Variants in TSC2 observed in about 807,000 individuals in gnomAD.
TSC2 encodes the protein tuberin.
TSC2 carries 29 observed loss-of-function variants against 202.2 expected under a neutral mutation model. The ratio of observed to expected loss-of-function variants is 0.14; its 90% confidence interval spans 0.11 to 0.20. The LOEUF (loss-of-function observed/expected upper bound fraction) is 0.20, where lower values mean the gene tolerates loss of function less well. TSC2 is among the 10% of genes least tolerant of loss of function. The probability of loss-of-function intolerance (pLI) is 1.00; values close to 1 mark genes in which losing one functional copy is unlikely to be tolerated. For missense variants in TSC2, 2,429 were observed against 2,420.0 expected, an observed-to-expected ratio of 1.00 and a Z score of -0.08; for synonymous variants, 1,349 against 1,044.0, an observed-to-expected ratio of 1.29 and a Z score of -5.63.
Position 2,079,706 on chromosome 16 carries a change from G to A in TSC2, c.3397+37G>A, listed in dbSNP as rs752242719. Reference sequence around the variant, plus strand: ...CCCCAGCCACCTCCACACAGGCACCGGGGCTCCCTCAGTTGCTGCTGGTCC... The same window carrying A: ...CCCCAGCCACCTCCACACAGGCACCAGGGCTCCCTCAGTTGCTGCTGGTCC... On this transcript the variant is annotated intron_variant, in intron 29 of 41. Transcript: ENST00000219476. This position sits in a 1 kb window ranked among gnomAD's most constrained non-coding sequence, Gnocchi z 4.6. 1.5e-5 allele frequency: 23 copies of A among 1,541,342 alleles called. No individual in the cohort carries two copies. Among genetic ancestry groups the A allele is most frequent in the South Asian group, 1.2e-4 (10 of 84,204 alleles).
intron 15 of TSC2, chr16:2,065,149 C>T (rs1233951164): frequency 1.4e-5 from 3 of 220,284 alleles, no homozygotes; most frequent in South Asian, 6.7e-5. Flanking sequence ...CACGGTGGCT[C>T]ATGCCTGTAA....
chr16:2,055,808 T>C, intron 6 of TSC2: 2 of 467,376 alleles, frequency 4.3e-6, no homozygotes, highest in South Asian at 4.2e-5. Flanking sequence ...GGAGAATTGC[T>C]TGAAACCGGA....
At chr16:2,063,899 C>T (rs945840207) in intron 14 of TSC2, 1 of 385,086 alleles carries the variant, frequency 2.6e-6, no homozygotes, top group Admixed American at 3.7e-5. Context: ...CGTGCACATG[C>T]CCACGCGTGC....
At position 2,061,882 on chromosome 16, in the gene TSC2, CCCGGAG is replaced by C; in HGVS notation, c.1133_1138del (p.Pro378_Glu379del). 6.2e-7 allele frequency: 1 copy of C among 1,614,126 alleles called. No individual in the cohort carries two copies. On this transcript the variant is annotated inframe_deletion, in exon 12 of 42. Coordinates refer to ENST00000219476, the MANE Select transcript of TSC2 (RefSeq NM_000548.5). ...GCCTGGTACTGCAGACCTTGGACAG[CCCGGAG>C]CTCAGGACCATCGTCCATGACCTGT...
At position 2,048,021 on chromosome 16, in the gene TSC2, T is replaced by A. The variant is rs929791385; in HGVS notation, c.-74T>A. 8 of 1,451,788 alleles carry A rather than the reference T, an allele frequency of 5.5e-6. No individual in the cohort carries two copies. In the African/African-American group the frequency reaches 8.8e-5, roughly 16 times the overall value. The allele number at this position is 1,451,788 out of a possible 1,614,324, so 89.9% of individuals were successfully genotyped here. ...CGTCCCGGGGCCAGGGGGGTGCGCCTTTCTCCGCGTCGGGGCGGCCCGGAG... is the reference window on the plus strand; with the variant it reads ...CGTCCCGGGGCCAGGGGGGTGCGCCATTCTCCGCGTCGGGGCGGCCCGGAG... On this transcript the variant is annotated 5_prime_UTR_variant, in exon 1 of 42. Transcript: ENST00000219476.
chr16:2,089,171 C>A lies in TSC2; in HGVS notation c.*561C>A. 5.8e-6 allele frequency: 1 copy of A among 173,056 alleles called. No homozygotes were observed. Among genetic ancestry groups the A allele is most frequent in the Admixed American group, 5.5e-5 (1 of 18,252 alleles). 10.7% of individuals were successfully genotyped at this position (173,056 alleles called of 1,614,324 possible). ...CCGGGCTGCCATAACGCCACCACAC[C>A]TACCAAGCGCAGCAGGTGTTGGGGG... On this transcript the variant is annotated 3_prime_UTR_variant, in exon 42 of 42. Transcript: ENST00000219476.
chr16:2,060,419 G>T (rs2086483662), intron 10 of TSC2, among the ~76,000 whole-genome samples: 1 of 152,230 alleles, frequency 6.6e-6, no homozygotes, highest in Non-Finnish European at 1.5e-5. Context: ...CCAGGATTCA[G>T]TTGCTGGTCT....
At chr16:2,062,894 CCTGCGCCAGGCAGACGGGCTGGT>C in intron 13 of TSC2, 55 bp from the exon 14 acceptor site, 1 of 1,494,892 alleles carries the variant, frequency 6.7e-7, no homozygotes, top group Non-Finnish European at 9.0e-7. Flanking sequence ...GTCGGGCTGG[CCTGCGCCAGGCAGACGGGCTGGT>C]GTGGGGCTGT....
chr16:2,086,081 C>T (rs559940937), intron 36 of TSC2, 112 bp from the exon 37 acceptor site: 7 of 1,268,834 alleles, frequency 5.5e-6, no homozygotes, highest in East Asian at 2.4e-5. Flanking sequence ...GTCTTGTCTG[C>T]CTCAGGGATC....
At chr16:2,054,540 G>A in intron 5 of TSC2, 100 bp downstream of exon 5, 2 of 1,569,348 alleles carry the variant, frequency 1.3e-6, no homozygotes, top group Middle Eastern at 4.3e-4. Context: ...CGTTCTCAGG[G>A]ATGGCCTGCA....
At position 2,053,494 on chromosome 16, in the gene TSC2, C is replaced by A. The variant is rs373503274; in HGVS notation, c.336+42C>A. Reference sequence around the variant, plus strand: ...CGCTGGGATGGGTGACGTCAGGCTGCCCACTGACTGTCCTGTCCCTGCTGG... The same window carrying A: ...CGCTGGGATGGGTGACGTCAGGCTGACCACTGACTGTCCTGTCCCTGCTGG... On this transcript the variant is annotated intron_variant, in intron 4 of 41. Transcript: ENST00000219476. The A allele has an allele frequency of 3.3e-6, 5 of 1,523,284 alleles. No individual in the cohort carries two copies. In the African/African-American group the frequency reaches 4.1e-5, roughly 13 times the overall value. The allele number at this position is 1,523,284 out of a possible 1,614,324, so 94.4% of individuals were successfully genotyped here.
In TSC2 at chr16:2,089,305, G is replaced by A. The variant is rs921828318; in HGVS notation, c.*695G>A. 1.2e-5 allele frequency: 3 copies of A among 243,540 alleles called. No homozygotes were observed. The highest frequency in any genetic ancestry group is 2.4e-5 in the Non-Finnish European group (3 of 125,856). 15.1% of individuals were successfully genotyped at this position (243,540 alleles called of 1,614,324 possible). A position where few individuals can be genotyped will look rare whatever the true frequency, so the allele number is the denominator to read the frequency against. ...ACTGACACGAGACACACAGTGAGAC[G>A]GTGCAGGGAGTACGGTAGGAACTGG... On this transcript the variant is annotated 3_prime_UTR_variant, in exon 42 of 42. Coordinates refer to ENST00000219476, the MANE Select transcript of TSC2 (RefSeq NM_000548.5).
chr16:2,074,430 G>A (rs756581706), intron 22 of TSC2, 41 bp downstream of exon 22: 34 of 1,602,206 alleles, frequency 2.1e-5, no homozygotes, highest in Non-Finnish European at 2.5e-5. Flanking sequence ...CGAGAGGTTC[G>A]GGCTGTGTAA....
At position 2,064,444 on chromosome 16, in the gene TSC2, C is replaced by A. The variant is rs1438908951; in HGVS notation, c.1599+17C>A. 6 of 1,612,664 alleles carry A rather than the reference C, an allele frequency of 3.7e-6. No homozygotes were observed. Among genetic ancestry groups the A allele is most frequent in the Non-Finnish European group, 5.1e-6 (6 of 1,179,998 alleles). ...ATCGAGAAGGTGAGAGCCGTTGTAC[C>A]CGGGGCCGGGTGCTAGCGTGCCAGA... is the stretch of plus-strand genomic sequence containing the variant. On this transcript the variant is annotated intron_variant, in intron 15 of 41. Coordinates refer to ENST00000219476, the MANE Select transcript of TSC2 (RefSeq NM_000548.5).
rs2089276233 is a variant in TSC2, at chr16:2,075,892, A to G, written c.2639A>G (p.Lys880Arg). ...TCCCTGCCGTACACCAACCCCTCCA[A>G]GTGAGTGGTCGCCCCAGGCCCTGTG... Reference protein sequence around the residue: ...AISLPYTNPSKFNQYIVCLAH... With the variant: ...AISLPYTNPSRFNQYIVCLAH... Residue 880 changes from lysine to arginine, a missense_variant and splice_region_variant, in exon 23 of 42, where the codon AAG becomes AGG. Transcript: ENST00000219476. 3 of 1,613,068 alleles carry G rather than the reference A, an allele frequency of 1.9e-6. No individual in the cohort carries two copies. Among genetic ancestry groups the G allele is most frequent in the African/African-American group, 1.3e-5 (1 of 75,042 alleles).
intron 25 of TSC2, among the ~76,000 whole-genome samples, chr16:2,077,204 G>T (rs2089512926): frequency 6.6e-6 from 1 of 152,290 alleles, no homozygotes; most frequent in East Asian, 1.9e-4. Context: ...TCAGGGCCTG[G>T]CCACTGAGGC....
chr16:2,060,627 C>A (rs1176940830), intron 10 of TSC2, 43 bp from the exon 11 acceptor site: 1 of 1,613,388 alleles, frequency 6.2e-7, no homozygotes, highest in East Asian at 2.2e-5. Flanking sequence ...CCACAGCAAG[C>A]AAGCAGCTCT....
In TSC2 at chr16:2,076,506, G is replaced by C; in HGVS notation, c.2758G>C (p.Val920Leu). ...PFITKGLRSN[V>L]LLSFDDTPEK... ...ACTCTGCCAGGGCCTGCGGTCCAAT[G>C]TCCTCTTGTCTTTTGATGACACCCC... The change falls in exon 25 of 42, where the codon GTC (valine) becomes CTC (leucine). Residue 920 changes from valine to leucine, a missense_variant. Physicochemically the swap from Val to Leu is conservative, Grantham distance 32 (BLOSUM62 1). Transcript: ENST00000219476. 6.2e-7 allele frequency: 1 copy of C among 1,613,552 alleles called. No individual in the cohort carries two copies. The highest frequency in any genetic ancestry group is 8.5e-7 in the Non-Finnish European group (1 of 1,179,984).
chr16:2,049,049 C>T (rs1276929708), intron 2 of TSC2, among the ~76,000 whole-genome samples: 1 of 152,152 alleles, frequency 6.6e-6, no homozygotes, highest in African/African-American at 2.4e-5. Context: ...CCAGGTGTTA[C>T]ATGATAAGAT....
Sources: gnomAD v4.1 joint callset for allele counts (sites outside exome capture counted in the v4.1 genomes callset) on GRCh38, gnomAD v4.1.1 for gene constraint, Gnocchi (gnomAD v3.1) non-coding constraint, MANE v1.5 for transcripts, NCBI Gene and HGNC (gene_info 2026-07-23, HGNC 2026-07-21) for gene names.